STK32B: variants seen among roughly 807,000 people sequenced by gnomAD.
STK32B encodes serine/threonine kinase 32B.
Under a neutral mutation model 52.6 loss-of-function variants are expected in STK32B, and 43 were observed. The observed-to-expected ratio is 0.82, with a 90% confidence interval of 0.64 to 1.05. The LOEUF (loss-of-function observed/expected upper bound fraction) is 1.05. STK32B is among the 50% of genes least tolerant of loss of function. The probability of loss-of-function intolerance (pLI) is 0.00; values close to 1 mark genes in which losing one functional copy is unlikely to be tolerated. For missense variants in STK32B, 621 were observed against 534.6 expected (o/e 1.16, Z -1.59); for synonymous variants, 238 against 204.3 (o/e 1.17, Z -1.41).
intron 1 of STK32B, among the ~76,000 whole-genome samples, chr4:5,053,468 C>T (rs1741868631): frequency 6.6e-6 from 1 of 152,172 alleles, no homozygotes; most frequent in Non-Finnish European, 1.5e-5. Flanking sequence ...AAAGGTCATG[C>T]TTTTGCTAAT....
the STK32B span, among the ~76,000 whole-genome samples, chr4:5,039,605 A>G: frequency 6.6e-6 from 1 of 152,220 alleles, no homozygotes; most frequent in African/African-American, 2.4e-5. Context: ...AATAATGATA[A>G]AAGTATAGTA....
rs1030708463 is a variant in STK32B at position 5,058,238 on chromosome 4, A to G, written c.52+6323A>G. On this transcript the variant is annotated intron_variant, in intron 1 of 11. Transcript: ENST00000282908. This position sits in a 1 kb window ranked among gnomAD's most constrained non-coding sequence, Gnocchi z 4.8. Reference sequence around the variant, plus strand: ...GTGGGAACATTATCACTGTTCACCAACATCCTGTTCCCCTTTACTTTTCAT... The same window carrying G: ...GTGGGAACATTATCACTGTTCACCAGCATCCTGTTCCCCTTTACTTTTCAT... Among the ~76,000 whole-genome samples the G allele has an allele frequency of 2.6e-5, 4 of 152,226 alleles. No homozygotes were observed. Among genetic ancestry groups the G allele is most frequent in the Admixed American group, 1.3e-4 (2 of 15,286 alleles).
intron 3 of STK32B, among the ~76,000 whole-genome samples, chr4:5,221,990 G>T (rs924129233): frequency 7.2e-5 from 11 of 152,098 alleles, no homozygotes; most frequent in Non-Finnish European, 1.2e-4. Flanking sequence ...TTCACACAGT[G>T]GTCAGCTAGC....
the STK32B span, among the ~76,000 whole-genome samples, chr4:5,030,492 T>C: frequency 6.6e-6 from 1 of 152,218 alleles, no homozygotes; most frequent in Non-Finnish European, 1.5e-5. Context: ...TCTGGGTGCC[T>C]GGAAACGAAC....
chr4:5,467,907 G>A lies in STK32B; in HGVS notation c.1042-99G>A. 1.5e-6 allele frequency: 2 copies of A among 1,366,770 alleles called. No homozygotes were observed. Among genetic ancestry groups the A allele is most frequent in the Non-Finnish European group, 2.1e-6 (2 of 963,146 alleles). The allele number at this position is 1,366,770 out of a possible 1,614,324, so 84.7% of individuals were successfully genotyped here. On this transcript the variant is annotated intron_variant, in intron 10 of 11. Coordinates refer to ENST00000282908, the MANE Select transcript of STK32B (RefSeq NM_018401.3). This position sits in a 1 kb window ranked among gnomAD's most constrained non-coding sequence, Gnocchi z 5.8. ...CTTGTCCCGGTCCCAAGCATCTGAG[G>A]TTTCCATCTAGGTCAGTCTGCCGTC...
intron 11 of STK32B, among the ~76,000 whole-genome samples, chr4:5,494,144 C>G (rs1008104874): frequency 1.4e-4 from 22 of 152,244 alleles, no homozygotes; most frequent in Non-Finnish European, 2.9e-4. Flanking sequence ...TGTTAACTTT[C>G]TGTCTCGTTG....
At chr4:5,426,341 T>C (rs909356857) in intron 6 of STK32B, among the ~76,000 whole-genome samples, 1 of 152,196 alleles carries the variant, frequency 6.6e-6, no homozygotes, top group Non-Finnish European at 1.5e-5. Context: ...AGCATCTTTT[T>C]GCTTGCCTGT....
intron 7 of STK32B, among the ~76,000 whole-genome samples, chr4:5,448,888 C>T (rs111961337): frequency 2.6e-5 from 4 of 152,116 alleles, no homozygotes; most frequent in Admixed American, 6.5e-5. Flanking sequence ...TACTGGAAAC[C>T]GTTGATTTAG....
chr4:5,070,486 C>T (rs1226047731), intron 1 of STK32B, among the ~76,000 whole-genome samples: 1 of 152,080 alleles, frequency 6.6e-6, no homozygotes, highest in African/African-American at 2.4e-5. Flanking sequence ...AATAAAAGTC[C>T]TTGGATGCCT....
At chr4:5,050,546 T>C (rs1741721597), upstream of STK32B, among the ~76,000 whole-genome samples, 1 of 151,792 alleles carries the variant, frequency 6.6e-6, no homozygotes, top group Non-Finnish European at 1.5e-5. Flanking sequence ...GGGGACGAGA[T>C]AGGATGGAGA....
the STK32B span, among the ~76,000 whole-genome samples, chr4:5,024,571 C>A: frequency 6.6e-6 from 1 of 152,178 alleles, no homozygotes; most frequent in Non-Finnish European, 1.5e-5. Flanking sequence ...TAGGGTCTCC[C>A]TTGTGACCAC....
At chr4:5,307,224 A>T (rs114320561) in intron 3 of STK32B, among the ~76,000 whole-genome samples, 4,132 of 152,296 alleles carry the variant, frequency 0.027, 180 homozygotes, top group African/African-American at 0.093. Flanking sequence ...TTATTGCCTC[A>T]AACTTGTTTT....
intron 6 of STK32B, among the ~76,000 whole-genome samples, chr4:5,438,857 G>C (rs1171174966): frequency 6.6e-6 from 1 of 151,876 alleles, no homozygotes; most frequent in African/African-American, 2.4e-5. Flanking sequence ...GCGGTGTTTG[G>C]TTTTTTGTTC....
At chr4:5,140,494 C>G (rs1560172622) in intron 2 of STK32B, among the ~76,000 whole-genome samples, 1 of 151,970 alleles carries the variant, frequency 6.6e-6, no homozygotes, top group Non-Finnish European at 1.5e-5. Context: ...CAGAGATATT[C>G]TGTTATGTTT....
intron 3 of STK32B, among the ~76,000 whole-genome samples, chr4:5,185,124 TG>T (rs1349325110): frequency 4.3e-4 from 65 of 152,368 alleles, no homozygotes; most frequent in African/African-American, 1.3e-3. Context: ...TGAATGTTAA[TG>T]GGTCAGTAGT....
chr4:5,296,151 T>C (rs965914719), intron 3 of STK32B, among the ~76,000 whole-genome samples: 1 of 152,256 alleles, frequency 6.6e-6, no homozygotes, highest in Non-Finnish European at 1.5e-5. Context: ...TTACATTCTT[T>C]TGCATTTGCT....
intron 3 of STK32B, among the ~76,000 whole-genome samples, chr4:5,306,047 A>C (rs930485293): frequency 6.6e-6 from 1 of 152,090 alleles, no homozygotes; most frequent in Non-Finnish European, 1.5e-5. Context: ...TTCCAATTTT[A>C]TTCCACTGCA....
At chr4:5,361,073 A>G (rs1436244159) in intron 4 of STK32B, among the ~76,000 whole-genome samples, 1 of 152,196 alleles carries the variant, frequency 6.6e-6, no homozygotes, top group Non-Finnish European at 1.5e-5. Context: ...AGAATCATAC[A>G]GTCTTCGTCC....
At chr4:5,140,094 G>A in intron 2 of STK32B, 134 bp downstream of exon 2, 1 of 1,452,794 alleles carries the variant, frequency 6.9e-7, no homozygotes, top group Non-Finnish European at 9.6e-7. Context: ...AAATGTGAAA[G>A]GAAGTCTGAA....
Sources: gnomAD v4.1 joint callset for allele counts (sites outside exome capture counted in the v4.1 genomes callset) on GRCh38, gnomAD v4.1.1 for gene constraint, Gnocchi (gnomAD v3.1) non-coding constraint, MANE v1.5 for transcripts, NCBI Gene and HGNC (gene_info 2026-07-23, HGNC 2026-07-21) for gene names.